Variants in TBC1D5 observed in about 807,000 individuals in gnomAD.
TBC1D5 encodes the protein TBC1 domain family, member 5.
In TBC1D5, 75 loss-of-function variants were observed where a neutral mutation model predicts 100.3. The observed-to-expected ratio is 0.75, with a 90% CI of 0.62 to 0.91. The LOEUF (loss-of-function observed/expected upper bound fraction) is 0.91, where lower values mean the gene tolerates loss of function less well. TBC1D5 is among the 40% of genes least tolerant of loss of function. TBC1D5 has a pLI of 0.00. For missense variants in TBC1D5, 910 were observed against 942.4 expected (o/e 0.97, Z 0.45); for synonymous variants, 323 against 325.6 (o/e 0.99, Z 0.09).
chr3:17,648,357 C>A (rs1055599909), intron 1 of TBC1D5, among the ~76,000 whole-genome samples: 2 of 152,080 alleles, frequency 1.3e-5, no homozygotes, highest in East Asian at 3.8e-4. Flanking sequence ...AAATGTAAAA[C>A]CCCAAACTAT....
rs115660395 is a variant in TBC1D5 at position 17,618,726 on chromosome 3, T to A, written c.-36+5123A>T. Among the ~76,000 whole-genome samples, 709 of 152,342 alleles carry A rather than the reference T, an allele frequency of 4.7e-3. 1 individual carries two copies. The highest frequency in any genetic ancestry group is 0.016 in the African/African-American group (672 of 41,588). On this transcript the variant is annotated intron_variant, in intron 2 of 21. Coordinates refer to ENST00000253692, the Ensembl canonical transcript of TBC1D5. The stretch of plus-strand genomic sequence containing the variant: ...GCTGAGCCAGGAATGGGAGAGAATC[T>A]CCTGGTCTGCTGGTTACTAAGGCCA...
intron 4 of TBC1D5, among the ~76,000 whole-genome samples, chr3:17,415,720 G>C (rs917066833): frequency 2.6e-5 from 4 of 151,998 alleles, no homozygotes; most frequent in African/African-American, 9.7e-5. Flanking sequence ...GTGAGAAAAG[G>C]ATCCTATACC....
chr3:17,378,316 C>T (rs1354343560), intron 9 of TBC1D5, among the ~76,000 whole-genome samples: 1 of 150,978 alleles, frequency 6.6e-6, no homozygotes, highest in Non-Finnish European at 1.5e-5. Context: ...AGGATGTATA[C>T]CATTAAGCTG....
intron 13 of TBC1D5, among the ~76,000 whole-genome samples, chr3:17,328,517 T>C (rs544186999): frequency 6.6e-6 from 1 of 152,324 alleles, no homozygotes; most frequent in East Asian, 1.9e-4. Flanking sequence ...TGTCCGGTCA[T>C]CACTGAGACA....
intron 2 of TBC1D5, among the ~76,000 whole-genome samples, chr3:17,559,460 C>T (rs2096543350): frequency 6.6e-6 from 1 of 151,376 alleles, no homozygotes; most frequent in South Asian, 2.1e-4. Flanking sequence ...ATTTAAATGA[C>T]AAGGAAAATA....
chr3:17,725,626 G>A (rs1253546395), intron 1 of TBC1D5, among the ~76,000 whole-genome samples: 1 of 152,100 alleles, frequency 6.6e-6, no homozygotes, highest in African/African-American at 2.4e-5. Flanking sequence ...CTCAGAATGT[G>A]GCAAATGTCC....
At chr3:17,393,118 GT>G (rs34958195) in intron 8 of TBC1D5, among the ~76,000 whole-genome samples, 19 of 149,224 alleles carry the variant, frequency 1.3e-4, no homozygotes, top group East Asian at 8.0e-4. Context: ...TGATGATGAG[GT>G]TTTTTTTTTT....
At chr3:17,195,004 A>G (rs1313824567) in intron 18 of TBC1D5, among the ~76,000 whole-genome samples, 1 of 152,264 alleles carries the variant, frequency 6.6e-6, no homozygotes, top group African/African-American at 2.4e-5. Flanking sequence ...AGGTGTAACC[A>G]GAGGAAGAAT....
chr3:17,636,800 C>CA (rs1209811496), intron 1 of TBC1D5, among the ~76,000 whole-genome samples: 1,674 of 136,820 alleles, frequency 0.012, 27 homozygotes, highest in African/African-American at 0.041. Flanking sequence ...GACTCCGTCT[C>CA]AAAAAAAAAA....
chr3:17,495,079 G>A (rs993328075), intron 3 of TBC1D5, among the ~76,000 whole-genome samples: 8 of 152,170 alleles, frequency 5.3e-5, no homozygotes, highest in African/African-American at 1.2e-4. Flanking sequence ...CTCACTCTCC[G>A]TGGGTCATGC....
chr3:17,542,681 T>A (rs1474597639), intron 2 of TBC1D5, among the ~76,000 whole-genome samples: 1 of 152,214 alleles, frequency 6.6e-6, no homozygotes, highest in East Asian at 1.9e-4. Flanking sequence ...ATTGTTAAAT[T>A]TTGTCAAGTG....
In TBC1D5 at chr3:17,737,121, G is replaced by A. The variant is rs146574733; in HGVS notation, c.-101+2222C>T. On this transcript the variant is annotated intron_variant, in intron 1 of 21. Transcript: ENST00000253692. ...AAACAGAATGCATACCTCTGCAGCC[G>A]GTTCCTAAGATATGTGCTTATTCCA... Among the ~76,000 whole-genome samples the A allele has an allele frequency of 1.4e-3, 209 of 152,162 alleles. 1 individual carries two copies. Among genetic ancestry groups the A allele is most frequent in the African/African-American group, 4.7e-3 (194 of 41,512 alleles).
chr3:17,715,803 T>TA (rs939248754), intron 1 of TBC1D5, among the ~76,000 whole-genome samples: 18 of 150,384 alleles, frequency 1.2e-4, no homozygotes, highest in Middle Eastern at 6.8e-3. Flanking sequence ...CTATGTCTCT[T>TA]AAAAAAAAGG....
At chr3:17,218,365 A>C (rs377397194) in intron 17 of TBC1D5, among the ~76,000 whole-genome samples, 1 of 152,068 alleles carries the variant, frequency 6.6e-6, no homozygotes, top group South Asian at 2.1e-4. Context: ...TCCAAAAAAG[A>C]CATCTGGGAT....
intron 16 of TBC1D5, among the ~76,000 whole-genome samples, chr3:17,251,414 T>G (rs1033130244): frequency 8.5e-6 from 1 of 118,074 alleles, no homozygotes. Context: ...GGAATATATA[T>G]ACTCACGGGA....
chr3:17,425,353 G>A (rs1271061601), intron 4 of TBC1D5, among the ~76,000 whole-genome samples: 2 of 152,192 alleles, frequency 1.3e-5, no homozygotes, highest in Non-Finnish European at 2.9e-5. Context: ...CAGACCAGGT[G>A]AAGTGGCTCA....
At chr3:17,494,307 G>C (rs1436977385) in intron 3 of TBC1D5, among the ~76,000 whole-genome samples, 1 of 152,152 alleles carries the variant, frequency 6.6e-6, no homozygotes, top group Admixed American at 6.5e-5. Context: ...CCGTCCCAGA[G>C]GCACACTGAC....
At chr3:17,606,185 A>T (rs1031841802) in intron 2 of TBC1D5, among the ~76,000 whole-genome samples, 2 of 152,170 alleles carry the variant, frequency 1.3e-5, no homozygotes, top group African/African-American at 2.4e-5. Context: ...CATGCCTGTG[A>T]TATCAGGCAC....
chr3:17,363,779 T>C (rs1031670831), intron 13 of TBC1D5, among the ~76,000 whole-genome samples: 1 of 152,006 alleles, frequency 6.6e-6, no homozygotes, highest in Non-Finnish European at 1.5e-5. Context: ...TTTTTCCTTA[T>C]GATTTGTTGT....
Sources: allele counts gnomAD v4.1 joint callset (sites outside exome capture counted in the v4.1 genomes callset), GRCh38; gene constraint gnomAD v4.1.1; transcripts MANE v1.5; gene names NCBI Gene and HGNC (gene_info 2026-07-23, HGNC 2026-07-21).